RGS7: variants seen among roughly 807,000 people sequenced by gnomAD.
The protein encoded by RGS7 is regulator of G-protein signaling 7.
A neutral mutation model predicts 81.1 loss-of-function variants in RGS7; 27 were observed. The ratio of observed to expected loss-of-function variants is 0.33; its 90% CI spans 0.25 to 0.46. RGS7 has a LOEUF of 0.46. RGS7 is among the 20% of genes least tolerant of loss of function. The probability of loss-of-function intolerance (pLI) is 1.00; values close to 1 mark genes in which losing one functional copy is unlikely to be tolerated. For synonymous variants in RGS7, 208 were observed against 207.7 expected, an observed-to-expected ratio of 1.00 and a Z score of -0.01; for missense variants, 396 against 607.4, an observed-to-expected ratio of 0.65 and a Z score of 3.66.
chr1:241,098,745 T>C lies in RGS7; in HGVS notation c.96A>G (p.Ala32=), dbSNP rs972984699. The C allele has an allele frequency of 1.2e-6, 2 of 1,611,656 alleles. No homozygotes were observed. The highest frequency in any genetic ancestry group is 2.2e-5 in the East Asian group (1 of 44,832). Residue 32 remains alanine (A), a synonymous_variant, in exon 3 of 19, where the codon GCA becomes GCG. Coordinates refer to ENST00000440928, the MANE Select transcript of RGS7 (RefSeq NM_001364886.1). The part of the protein sequence containing the change: ...LVYRKMEDVI[A]RMQDEKNGIP... ...TTCCATTTTTTTCATCTTGCATCCG[T>C]GCTATGACGTCTTCCATCTAAACAA...
intron 6 of RGS7, among the ~76,000 whole-genome samples, chr1:240,904,341 TTG>T (rs1209334458): frequency 6.6e-6 from 1 of 152,342 alleles, no homozygotes; most frequent in Non-Finnish European, 1.5e-5. Context: ...CTGCTGCATT[TTG>T]TGTGTGGTCT....
chr1:240,787,905 T>C (rs1439182351), intron 18 of RGS7, among the ~76,000 whole-genome samples: 3 of 152,166 alleles, frequency 2.0e-5, no homozygotes, highest in East Asian at 1.9e-4. Context: ...GTTGCTCTGG[T>C]TGGGGGAAGT....
chr1:241,355,834 G>C lies in RGS7; in HGVS notation c.-50-8C>G. ...AAGAATTATCAGTGTGCCCTGCAAA[G>C]GGTCAGAGAGACTTCAGTGAGATCC... On this transcript the variant is annotated splice_region_variant and splice_polypyrimidine_tract_variant and intron_variant, in intron 1 of 18. Transcript: ENST00000440928. The C allele has an allele frequency of 7.0e-7, 1 of 1,437,406 alleles. No individual in the cohort carries two copies. Among genetic ancestry groups the C allele is most frequent in the Non-Finnish European group, 9.8e-7 (1 of 1,019,052 alleles). 89.0% of individuals were successfully genotyped at this position (1,437,406 alleles called of 1,614,324 possible). A position where few individuals can be genotyped will look rare whatever the true frequency, so the allele number is the denominator to read the frequency against.
chr1:241,291,468 T>C (rs552889411), intron 2 of RGS7, among the ~76,000 whole-genome samples: 1 of 151,786 alleles, frequency 6.6e-6, no homozygotes, highest in South Asian at 2.1e-4. Flanking sequence ...AAACAGTATA[T>C]TGTCCAGATA....
At chr1:240,943,443 C>T (rs1215099580) in intron 4 of RGS7, among the ~76,000 whole-genome samples, 1 of 152,184 alleles carries the variant, frequency 6.6e-6, no homozygotes, top group Admixed American at 6.5e-5. Flanking sequence ...ACCACACAGA[C>T]ATGCTCCTGA....
In RGS7 at chr1:241,163,907, C is replaced by G. The variant is rs1385696587; in HGVS notation, c.79-65145G>C. The stretch of plus-strand genomic sequence containing the variant: ...TAATTCAGTTCCACTCTGACACTCT[C>G]TTCCTGGAGATAGCGTCAGATCCCA... On this transcript the variant is annotated intron_variant, in intron 2 of 18. Coordinates refer to ENST00000440928, the MANE Select transcript of RGS7 (RefSeq NM_001364886.1). The surrounding 1 kb of genome is among the most constrained non-coding windows in gnomAD (Gnocchi z 4.6). 6.6e-6 allele frequency among the ~76,000 whole-genome samples: 1 copy of G among 152,052 alleles called. No homozygotes were observed. Among genetic ancestry groups the G allele is most frequent in the Non-Finnish European group, 1.5e-5 (1 of 68,034 alleles).
intron 2 of RGS7, among the ~76,000 whole-genome samples, chr1:241,288,564 G>C (rs761074829): frequency 3.3e-5 from 5 of 152,092 alleles, no homozygotes; most frequent in Admixed American, 6.6e-5. Flanking sequence ...TGAGTAAAGG[G>C]AACCTTCTCT....
chr1:241,189,046 C>G (rs2072377899), intron 2 of RGS7, among the ~76,000 whole-genome samples: 2 of 152,112 alleles, frequency 1.3e-5, no homozygotes, highest in Non-Finnish European at 2.9e-5. Context: ...GCAGTCATAG[C>G]TCACTGTGGT....
At chr1:240,819,107 C>T (rs1206948270) in intron 10 of RGS7, among the ~76,000 whole-genome samples, 1 of 152,008 alleles carries the variant, frequency 6.6e-6, no homozygotes, top group Non-Finnish European at 1.5e-5. Context: ...ATAGTTCTAC[C>T]TTTCAGTATC....
chr1:240,814,851 G>T, intron 11 of RGS7, 74 bp from the exon 12 acceptor site: 1 of 940,092 alleles, frequency 1.1e-6, no homozygotes, highest in Non-Finnish European at 1.8e-6. Context: ...ATCATGATCA[G>T]CTGGGCAATT....
In RGS7 at chr1:240,868,881, T is replaced by C; in HGVS notation, c.451-29A>G. On this transcript the variant is annotated intron_variant, in intron 7 of 18. Transcript: ENST00000440928. The surrounding 1 kb of genome is among the most constrained non-coding windows in gnomAD (Gnocchi z 5.1). ...AAAAACATACCCCAGGTGAAGACAT[T>C]TGGTGTTCATTGTCACTGCTCTCTT... 6.3e-7 allele frequency: 1 copy of C among 1,591,226 alleles called. No homozygotes were observed. The highest frequency in any genetic ancestry group is 8.6e-7 in the Non-Finnish European group (1 of 1,159,322).
chr1:241,293,511 G>T (rs913266685), intron 2 of RGS7, among the ~76,000 whole-genome samples: 2 of 152,084 alleles, frequency 1.3e-5, no homozygotes, highest in African/African-American at 2.4e-5. Context: ...GGTGGAAACA[G>T]TGATATGGAT....
At chr1:241,306,238 C>T (rs916149526) in intron 2 of RGS7, among the ~76,000 whole-genome samples, 5 of 151,276 alleles carry the variant, frequency 3.3e-5, no homozygotes, top group African/African-American at 1.2e-4. Context: ...ACTACACACC[C>T]TCACACACAT....
At chr1:241,269,735 C>T (rs2077774261) in intron 2 of RGS7, among the ~76,000 whole-genome samples, 1 of 152,178 alleles carries the variant, frequency 6.6e-6, no homozygotes, top group African/African-American at 2.4e-5. Flanking sequence ...AATACATTTC[C>T]TCTAACTAAA....
At chr1:240,933,676 C>G (rs1300281863) in intron 5 of RGS7, among the ~76,000 whole-genome samples, 1 of 151,862 alleles carries the variant, frequency 6.6e-6, no homozygotes, top group African/African-American at 2.4e-5. Flanking sequence ...TATTGGCTTC[C>G]TTAGCTAGGA....
chr1:241,242,052 C>T (rs1243371873), intron 2 of RGS7, among the ~76,000 whole-genome samples: 1 of 151,808 alleles, frequency 6.6e-6, no homozygotes, highest in Admixed American at 6.6e-5. Context: ...GCACCCATCA[C>T]CCAAGCAGTA....
intron 9 of RGS7, among the ~76,000 whole-genome samples, chr1:240,863,335 C>T (rs1015089153): frequency 2.5e-4 from 38 of 152,010 alleles, no homozygotes; most frequent in African/African-American, 8.5e-4. Context: ...ATTAGCTGGG[C>T]GTGGTGGCAT....
intron 2 of RGS7, among the ~76,000 whole-genome samples, chr1:241,168,706 T>TTC (rs1164174121): frequency 6.2e-5 from 9 of 146,152 alleles, no homozygotes; most frequent in African/African-American, 8.1e-5. Flanking sequence ...AAAAGCATCT[T>TTC]TCTCTCTCTC....
intron 3 of RGS7, among the ~76,000 whole-genome samples, chr1:241,088,334 C>A (rs952659156): frequency 6.6e-6 from 1 of 151,728 alleles, no homozygotes; most frequent in South Asian, 2.1e-4. Context: ...GATCAGAACA[C>A]GCCACCAAAA....
Sources: allele counts gnomAD v4.1 joint callset (sites outside exome capture counted in the v4.1 genomes callset), GRCh38; gene constraint gnomAD v4.1.1; non-coding constraint Gnocchi (gnomAD v3.1); transcripts MANE v1.5; gene names NCBI Gene and HGNC (gene_info 2026-07-23, HGNC 2026-07-21).